The following HECTD4 variants were observed in gnomAD, a reference collection of about 807,000 sequenced individuals.
HECTD4 encodes HECT domain E3 ubiquitin protein ligase 4.
In HECTD4, 114 loss-of-function variants were observed where a neutral mutation model predicts 471.5. The observed-to-expected ratio is 0.24, with a 90% CI of 0.21 to 0.28. HECTD4 has a LOEUF of 0.28. Among genes scored for constraint, HECTD4 ranks in the 10% least tolerant of loss-of-function variants. HECTD4 has a pLI of 1.00. For missense variants in HECTD4, 3,866 were observed against 5,651.5 expected, an observed-to-expected ratio of 0.68 and a Z score of 10.13; for synonymous variants, 2,012 against 2,256.0, an observed-to-expected ratio of 0.89 and a Z score of 3.07.
intron 44 of HECTD4, among the ~76,000 whole-genome samples, chr12:112,224,162 C>G (rs1328313332): frequency 6.6e-6 from 1 of 152,080 alleles, no homozygotes; most frequent in African/African-American, 2.4e-5. Context: ...GTAGGTTTTT[C>G]CCTTTGGTTT....
At chr12:112,279,701 A>G (rs2034594541) in intron 8 of HECTD4, among the ~76,000 whole-genome samples, 1 of 152,346 alleles carries the variant, frequency 6.6e-6, no homozygotes, top group Admixed American at 6.5e-5. Flanking sequence ...ACTAAATCTC[A>G]AAATAAGAGA....
chr12:112,319,172 C>T lies in HECTD4; in HGVS notation c.695+53G>A, dbSNP rs955305340. 21 of 1,517,054 alleles carry T rather than the reference C, an allele frequency of 1.4e-5. No individual in the cohort carries two copies. Among genetic ancestry groups the T allele is most frequent in the African/African-American group, 2.8e-5 (2 of 72,544 alleles). The allele number at this position is 1,517,054 out of a possible 1,614,324, so 94.0% of individuals were successfully genotyped here. ...CTTGGCCTCTTCTTCATTCACCCAACCCAGGTGGCAGTAGTCACAAGGTCA... is the reference window on the plus strand; with the variant it reads ...CTTGGCCTCTTCTTCATTCACCCAATCCAGGTGGCAGTAGTCACAAGGTCA... On this transcript the variant is annotated intron_variant, in intron 2 of 75. Coordinates refer to ENST00000682272, the MANE Select transcript of HECTD4 (RefSeq NM_001388303.1). The surrounding 1 kb of genome is among the most constrained non-coding windows in gnomAD (Gnocchi z 5.3).
chr12:112,201,247 G>A lies in HECTD4; in HGVS notation c.8407-449C>T, dbSNP rs1742181157. The A allele has an allele frequency of 3.1e-5, 10 of 318,788 alleles. 1 individual carries two copies. Among genetic ancestry groups the A allele is most frequent in the South Asian group, 2.2e-4 (9 of 41,838 alleles). 19.7% of individuals were successfully genotyped at this position (318,788 alleles called of 1,614,324 possible). ...TAGCTGGGACTAGGCACCCACCACT[G>A]TGCCCAGCTAATTTTTGTATTTTTA... On this transcript the variant is annotated intron_variant, in intron 54 of 75. Transcript: ENST00000682272.
chr12:112,347,787 G>GTT (rs547142793), intron 1 of HECTD4, among the ~76,000 whole-genome samples: 2 of 152,332 alleles, frequency 1.3e-5, no homozygotes, highest in East Asian at 3.9e-4. Context: ...ATGGCAGGTG[G>GTT]TAAGAACTGC....
intron 13 of HECTD4, 179 bp from the exon 14 acceptor site, chr12:112,267,161 G>A: frequency 6.9e-6 from 4 of 578,470 alleles, no homozygotes; most frequent in Non-Finnish European, 1.2e-5. Flanking sequence ...CTAGGCAGGT[G>A]TGCCCTTCCT....
At chr12:112,248,870 C>A (rs561279675) in intron 25 of HECTD4, among the ~76,000 whole-genome samples, 36 of 152,316 alleles carry the variant, frequency 2.4e-4, no homozygotes, top group African/African-American at 8.7e-4. Flanking sequence ...CAGGCATGAG[C>A]CACCATGCCC....
intron 13 of HECTD4, among the ~76,000 whole-genome samples, chr12:112,267,894 C>G (rs1432271603): frequency 1.3e-5 from 2 of 152,192 alleles, no homozygotes; most frequent in East Asian, 3.8e-4. Flanking sequence ...GATCTCAGCT[C>G]ATTGCAGCCT....
chr12:112,167,641 G>A, intron 71 of HECTD4, 103 bp from the exon 72 acceptor site: 1 of 1,070,340 alleles, frequency 9.3e-7, no homozygotes, highest in Non-Finnish European at 1.4e-6. Context: ...CAGGAGAGAA[G>A]TCACTGCAAG....
intron 1 of HECTD4, among the ~76,000 whole-genome samples, chr12:112,350,257 CTT>C (rs896132514): frequency 1.3e-5 from 2 of 152,174 alleles, no homozygotes; most frequent in Non-Finnish European, 2.9e-5. Context: ...CCATACGATA[CTT>C]TTTATTTGGA....
In HECTD4 at chr12:112,162,537, A is replaced by G. The variant is rs2030728990; in HGVS notation, c.13121-14T>C. ...AGTCTGGGGAACCTACAAGAAACCG[A>G]GCCAGCATCAGAGGGTTGGGCCCAC... On this transcript the variant is annotated splice_polypyrimidine_tract_variant and intron_variant, in intron 75 of 75. Coordinates refer to ENST00000682272, the MANE Select transcript of HECTD4 (RefSeq NM_001388303.1). This position sits in a 1 kb window ranked among gnomAD's most constrained non-coding sequence, Gnocchi z 5.2. The G allele has an allele frequency of 1.2e-6, 2 of 1,613,760 alleles. No individual in the cohort carries two copies. Among genetic ancestry groups the G allele is most frequent in the Non-Finnish European group, 8.5e-7 (1 of 1,179,860 alleles).
At chr12:112,249,037 A>G (rs1172559155) in intron 25 of HECTD4, among the ~76,000 whole-genome samples, 1 of 152,204 alleles carries the variant, frequency 6.6e-6, no homozygotes, top group East Asian at 1.9e-4. Flanking sequence ...TAGTATATTG[A>G]CTGATAAAAC....
In HECTD4 at chr12:112,185,252, G is replaced by A; in HGVS notation, c.9714C>T (p.Gly3238=). ...QNWVSGGACG[G]SGGAAAGDQG... is the part of the protein sequence containing the mutation. Reference sequence around the variant, plus strand: ...GGTCACCGGCCGCCGCCCCCCCGGAGCCCCCGCAGGCGCCGCCTGAGACCC... The same window carrying A: ...GGTCACCGGCCGCCGCCCCCCCGGAACCCCCGCAGGCGCCGCCTGAGACCC... The change falls in exon 61 of 76, where the codon GGC becomes GGT. Residue 3238 remains glycine (G), a synonymous_variant. Transcript: ENST00000682272. The A allele has an allele frequency of 1.3e-6, 2 of 1,550,034 alleles. No individual in the cohort carries two copies. The highest frequency in any genetic ancestry group is 1.2e-5 in the South Asian group (1 of 84,012).
At chr12:112,295,097 G>T (rs554412925) in intron 7 of HECTD4, among the ~76,000 whole-genome samples, 2 of 151,542 alleles carry the variant, frequency 1.3e-5, no homozygotes, top group Admixed American at 1.3e-4. Context: ...TTGAGTCCAG[G>T]AGTTCGAGGC....
chr12:112,266,117 G>A, intron 14 of HECTD4, 134 bp from the exon 15 acceptor site: 1 of 621,250 alleles, frequency 1.6e-6, no homozygotes, highest in Non-Finnish European at 2.8e-6. Context: ...ATACAAATAA[G>A]AGTGGCAAAA....
Position 112,243,745 on chromosome 12 carries a change from T to C in HECTD4, c.4666A>G (p.Ser1556Gly). 2 of 1,613,614 alleles carry C rather than the reference T, an allele frequency of 1.2e-6. No homozygotes were observed. The highest frequency in any genetic ancestry group is 2.2e-5 in the South Asian group (2 of 91,030). ...RANQRRRHVT[S>G]HRSSSFTLLQ... is the part of the protein sequence containing the mutation. ...AGTGTAAAGGAGCTGCTGCGGTGGC[T>C]GGTCACGTGGCGACGCCTACGGGGA... The change falls in exon 31 of 76, where the codon AGC (serine) becomes GGC (glycine). Residue 1556 changes from serine to glycine, a missense_variant. By Grantham distance (56) the Ser-to-Gly change is moderately conservative. Around this residue, in one of 16 missense-constraint regions of HECTD4, gnomAD observed 229 missense variants for 386.4 expected, o/e 0.59. Coordinates refer to ENST00000682272, the MANE Select transcript of HECTD4 (RefSeq NM_001388303.1). This position sits in a 1 kb window ranked among gnomAD's most constrained non-coding sequence, Gnocchi z 6.6.
At chr12:112,189,962 A>G (rs9971867) in intron 60 of HECTD4, among the ~76,000 whole-genome samples, 2,334 of 152,300 alleles carry the variant, frequency 0.015, 66 homozygotes, top group African/African-American at 0.052. Context: ...CATGTTGGTC[A>G]GGCTGGTCTC....
chr12:112,185,853 T>C (rs911347878), intron 60 of HECTD4, among the ~76,000 whole-genome samples: 2 of 152,236 alleles, frequency 1.3e-5, no homozygotes, highest in African/African-American at 4.8e-5. Flanking sequence ...TACTGGATGC[T>C]TACTATGGGG....
In HECTD4 at chr12:112,319,497, G is replaced by A. The variant is rs1278893422; in HGVS notation, c.423C>T (p.Phe141=). ...CCAGCAGGAGCCCCATCCTCGATGT[G>A]AAGGGCGCTTGCTCAGGTTGCTGCA... The part of the protein sequence containing the change: ...GLLQQPEQAP[F]TSRMGLLLVF... Residue 141 remains phenylalanine, a synonymous_variant, in exon 2 of 76, where the codon TTC becomes TTT. Transcript: ENST00000682272. This position sits in a 1 kb window ranked among gnomAD's most constrained non-coding sequence, Gnocchi z 5.3. 36 of 1,498,500 alleles carry A rather than the reference G, an allele frequency of 2.4e-5. No homozygotes were observed. The highest frequency in any genetic ancestry group is 2.9e-5 in the Non-Finnish European group (33 of 1,127,590). 92.8% of individuals were successfully genotyped at this position (1,498,500 alleles called of 1,614,324 possible).
At chr12:112,258,786 T>C in intron 19 of HECTD4, 190 bp from the exon 20 acceptor site, 1 of 567,070 alleles carries the variant, frequency 1.8e-6, no homozygotes, top group Non-Finnish European at 3.0e-6. Context: ...GAATGCATCA[T>C]TTATATTAGC....
Sources: allele counts gnomAD v4.1 joint callset (sites outside exome capture counted in the v4.1 genomes callset), GRCh38; gene constraint gnomAD v4.1.1; regional missense constraint gnomAD v4.1.1; non-coding constraint Gnocchi (gnomAD v3.1); transcripts MANE v1.5; gene names NCBI Gene and HGNC (gene_info 2026-07-23, HGNC 2026-07-21).